The following NCKAP5 variants were observed in gnomAD, a reference collection of about 807,000 sequenced individuals.
NCKAP5 encodes the protein nck-associated protein 5.
In NCKAP5, 92 loss-of-function variants were observed where a neutral mutation model predicts 167.0. That is an observed-to-expected ratio of 0.55 (90% CI 0.47 to 0.66). The LOEUF (loss-of-function observed/expected upper bound fraction) is 0.66, where lower values mean the gene tolerates loss of function less well. NCKAP5 is among the 30% of genes least tolerant of loss of function. NCKAP5 has a pLI of 0.00. For synonymous variants in NCKAP5, 891 were observed against 877.4 expected, an observed-to-expected ratio of 1.02 and a Z score of -0.27; for missense variants, 2,378 against 2,315.0, an observed-to-expected ratio of 1.03 and a Z score of -0.56.
At chr2:133,007,173 C>T (rs1318559700) in intron 6 of NCKAP5, among the ~76,000 whole-genome samples, 3 of 152,192 alleles carry the variant, frequency 2.0e-5, no homozygotes, top group Admixed American at 6.5e-5. Context: ...GATCACATTT[C>T]CTGAGCCTCA....
At chr2:133,036,603 T>A (rs2079048958) in intron 6 of NCKAP5, among the ~76,000 whole-genome samples, 1 of 152,008 alleles carries the variant, frequency 6.6e-6, no homozygotes, top group African/African-American at 2.4e-5. Flanking sequence ...AAAAAGCATT[T>A]GATATAATTC....
intron 16 of NCKAP5, among the ~76,000 whole-genome samples, chr2:132,762,243 G>T (rs1681070614): frequency 6.7e-6 from 1 of 149,500 alleles, no homozygotes; most frequent in Non-Finnish European, 1.5e-5. Context: ...TCTTAATAAG[G>T]AGTAGATAGT....
At chr2:133,072,355 C>T (rs2080443625) in intron 6 of NCKAP5, among the ~76,000 whole-genome samples, 1 of 152,100 alleles carries the variant, frequency 6.6e-6, no homozygotes, top group South Asian at 2.1e-4. Flanking sequence ...TCTGCCCTCC[C>T]TTCATTTCCT....
intron 3 of NCKAP5, among the ~76,000 whole-genome samples, chr2:133,446,029 C>A (rs1412336918): frequency 6.6e-6 from 1 of 152,072 alleles, no homozygotes; most frequent in Admixed American, 6.5e-5. Flanking sequence ...TTCCAGGGCA[C>A]TTGGCCATGT....
intron 4 of NCKAP5, among the ~76,000 whole-genome samples, chr2:133,252,127 C>A (rs763797068): frequency 6.6e-6 from 1 of 152,180 alleles, no homozygotes; most frequent in Non-Finnish European, 1.5e-5. Context: ...ATACTGGAAG[C>A]ATCATTATTC....
At chr2:133,598,134 C>G in the NCKAP5 span, among the ~76,000 whole-genome samples, 1 of 152,210 alleles carries the variant, frequency 6.6e-6, no homozygotes, top group African/African-American at 2.4e-5. Context: ...GCCTAATTTC[C>G]TCATCCCTGT....
At chr2:133,538,657 A>T (rs1160282559) in intron 2 of NCKAP5, among the ~76,000 whole-genome samples, 3 of 152,158 alleles carry the variant, frequency 2.0e-5, no homozygotes, top group African/African-American at 7.2e-5. Flanking sequence ...CATCAAGTAT[A>T]CATCAGGCAC....
the NCKAP5 span, among the ~76,000 whole-genome samples, chr2:133,584,983 A>AAGGAAGGAAGGAAGGG: frequency 1.1e-4 from 16 of 150,686 alleles, no homozygotes; most frequent in Non-Finnish European, 1.6e-4. Flanking sequence ...GGAAGGAAGG[A>AAGGAAGGAAGGAAGGG]AGGAAGGAAG....
At chr2:133,386,646 G>C (rs185208868) in intron 3 of NCKAP5, among the ~76,000 whole-genome samples, 2 of 152,196 alleles carry the variant, frequency 1.3e-5, no homozygotes, top group Non-Finnish European at 2.9e-5. Flanking sequence ...TTGACAGTGC[G>C]GTGTTAAAGT....
the NCKAP5 span, among the ~76,000 whole-genome samples, chr2:133,643,755 C>A: frequency 2.0e-5 from 3 of 152,190 alleles, no homozygotes; most frequent in African/African-American, 7.2e-5. Flanking sequence ...GTCTTTCTAC[C>A]TCCATCCTTT....
chr2:132,757,275 G>T (rs921295915), intron 16 of NCKAP5, among the ~76,000 whole-genome samples: 2 of 152,188 alleles, frequency 1.3e-5, no homozygotes, highest in Non-Finnish European at 2.9e-5. Flanking sequence ...GCTGATGAAA[G>T]AAATTAAGAC....
At chr2:132,894,410 G>GA (rs1192032649) in intron 8 of NCKAP5, among the ~76,000 whole-genome samples, 2 of 152,094 alleles carry the variant, frequency 1.3e-5, no homozygotes, top group East Asian at 3.9e-4. Context: ...GAGATTTTTA[G>GA]AAAAAAACCT....
intron 3 of NCKAP5, among the ~76,000 whole-genome samples, chr2:133,425,933 T>C (rs1689764154): frequency 6.6e-6 from 1 of 152,126 alleles, no homozygotes; most frequent in Non-Finnish European, 1.5e-5. Flanking sequence ...ACAAAAACTC[T>C]CAAGTGCCTT....
At chr2:132,858,495 C>T (rs905081156) in intron 11 of NCKAP5, among the ~76,000 whole-genome samples, 1 of 152,116 alleles carries the variant, frequency 6.6e-6, no homozygotes, top group African/African-American at 2.4e-5. Flanking sequence ...TTCTCAAACC[C>T]TAAAGTACTA....
chr2:132,995,543 C>T lies in NCKAP5; in HGVS notation c.342-1304G>A, dbSNP rs558263612. Among the ~76,000 whole-genome samples the T allele has an allele frequency of 3.3e-5, 5 of 151,750 alleles. No individual in the cohort carries two copies. In the South Asian group the frequency reaches 8.3e-4, roughly 25 times the overall value. ...GCAAACTCTTGTAATCCCAGCTACTCGGGAGGCTGAGACAGGAGAATCGCT... is the reference window on the plus strand; with the variant it reads ...GCAAACTCTTGTAATCCCAGCTACTTGGGAGGCTGAGACAGGAGAATCGCT... On this transcript the variant is annotated intron_variant, in intron 6 of 19. Coordinates refer to ENST00000409261, the MANE Select transcript of NCKAP5 (RefSeq NM_207363.3).
chr2:133,383,500 T>C (rs954172656), intron 3 of NCKAP5, among the ~76,000 whole-genome samples: 2 of 152,214 alleles, frequency 1.3e-5, no homozygotes, highest in African/African-American at 4.8e-5. Context: ...GTCTTTGCTA[T>C]TGTGAGTAGT....
intron 3 of NCKAP5, among the ~76,000 whole-genome samples, chr2:133,494,312 A>C (rs1172573929): frequency 6.6e-6 from 1 of 152,082 alleles, no homozygotes; most frequent in African/African-American, 2.4e-5. Context: ...TTAGGGCTTT[A>C]CCTTTACCTT....
rs550251085 is a variant in NCKAP5, at chr2:132,784,124, C to T, written c.2687G>A (p.Arg896Gln). 122 of 1,522,358 alleles carry T rather than the reference C, an allele frequency of 8.0e-5. 1 individual carries two copies. In the South Asian group the frequency reaches 1.3e-3, roughly 16 times the overall value. The allele number at this position is 1,522,358 out of a possible 1,614,324, so 94.3% of individuals were successfully genotyped here. A position where few individuals can be genotyped will look rare whatever the true frequency, so the allele number is the denominator to read the frequency against. Residue 896 changes from arginine to glutamine, a missense_variant, in exon 14 of 20, where the codon CGG becomes CAG. Arg to Gln is a conservative substitution (Grantham distance 43). Around this residue, in one of 3 missense-constraint regions of NCKAP5, gnomAD observed 1,325 missense variants for 1,274.5 expected, o/e 1.04. Coordinates refer to ENST00000409261, the MANE Select transcript of NCKAP5 (RefSeq NM_207363.3). ...QCPKSQTPGSRSRPAIESSDS... is the reference protein window; with the variant it reads ...QCPKSQTPGSQSRPAIESSDS... ...ACTAGACTCAATGGCAGGCCTTGAC[C>T]GTGACCCTGGAGTCTGACTCTTGGG...
intron 11 of NCKAP5, among the ~76,000 whole-genome samples, chr2:132,806,819 G>T (rs1416751152): frequency 6.6e-6 from 1 of 152,062 alleles, no homozygotes; most frequent in Non-Finnish European, 1.5e-5. Context: ...TTTGCTTTTG[G>T]GTTCTTGGTC....
Sources: allele counts gnomAD v4.1 joint callset (sites outside exome capture counted in the v4.1 genomes callset), GRCh38; gene constraint gnomAD v4.1.1; regional missense constraint gnomAD v4.1.1; transcripts MANE v1.5; gene names NCBI Gene and HGNC (gene_info 2026-07-23, HGNC 2026-07-21).